The following DISC1 variants were observed in gnomAD, a reference collection of about 807,000 sequenced individuals.
DISC1 encodes the protein DISC1 scaffold protein.
Under a neutral mutation model 84.5 loss-of-function variants are expected in DISC1, and 57 were observed. The observed-to-expected ratio is 0.67, with a 90% CI of 0.55 to 0.84. The LOEUF is 0.84. Among genes scored for constraint, DISC1 ranks in the 40% least tolerant of loss-of-function variants. The probability of loss-of-function intolerance (pLI) is 0.00; values close to 1 mark genes in which losing one functional copy is unlikely to be tolerated. For synonymous variants in DISC1, 411 were observed against 415.2 expected (o/e 0.99, Z 0.12); for missense variants, 1,000 against 1,057.8 (o/e 0.95, Z 0.76).
chr1:231,762,195 TTTCTTTTCTTTTCTTTTCTC>T (rs1388393474), intron 4 of DISC1, among the ~76,000 whole-genome samples: 2 of 25,188 alleles, frequency 7.9e-5, no homozygotes, highest in Non-Finnish European at 2.5e-4. Flanking sequence ...TTTTCTTTCT[TTTCTTTTCTTTTCTTTTCTC>T]TTCTTTTCTT....
intron 9 of DISC1, among the ~76,000 whole-genome samples, chr1:231,830,733 G>T (rs1318819477): frequency 6.6e-6 from 1 of 152,230 alleles, no homozygotes; most frequent in Non-Finnish European, 1.5e-5. Context: ...CCATACAGGA[G>T]CTCAAATGGG....
intron 3 of DISC1, among the ~76,000 whole-genome samples, chr1:231,734,525 A>G (rs867635166): frequency 2.0e-4 from 31 of 152,226 alleles, no homozygotes; most frequent in African/African-American, 7.2e-4. Flanking sequence ...ACGCATGCGC[A>G]CACACACACA....
At chr1:231,912,849 T>C (rs556283737) in intron 9 of DISC1, among the ~76,000 whole-genome samples, 22 of 151,322 alleles carry the variant, frequency 1.5e-4, no homozygotes, top group Admixed American at 5.3e-4. Flanking sequence ...TTTTTCTTCT[T>C]CTCCTCCTCC....
At chr1:231,849,513 G>T (rs2083723762) in intron 9 of DISC1, among the ~76,000 whole-genome samples, 1 of 152,096 alleles carries the variant, frequency 6.6e-6, no homozygotes, top group Non-Finnish European at 1.5e-5. Context: ...CAATAGCAGG[G>T]CTCTGATGAT....
rs1268468240 is a variant in DISC1 at position 231,915,340 on chromosome 1, G to A, written c.1982-43488G>A. Among the ~76,000 whole-genome samples the A allele has an allele frequency of 5.3e-5, 8 of 152,146 alleles. No homozygotes were observed. In the East Asian group the frequency reaches 1.5e-3, roughly 29 times the overall value. On this transcript the variant is annotated intron_variant, in intron 9 of 12. Transcript: ENST00000439617. ...ACTCTAGGTGGCAGGATGAAAGCAG[G>A]GACAAAGCATAAGGGACATCTGAAT... is the stretch of plus-strand genomic sequence containing the variant.
At chr1:231,677,866 C>T (rs1014738560) in intron 1 of DISC1, among the ~76,000 whole-genome samples, 3 of 152,110 alleles carry the variant, frequency 2.0e-5, no homozygotes, top group Non-Finnish European at 2.9e-5. Context: ...GTAATCCCAG[C>T]TACTCAGGAG....
intron 6 of DISC1, among the ~76,000 whole-genome samples, chr1:231,784,147 C>T (rs1262289294): frequency 5.3e-5 from 8 of 151,876 alleles, no homozygotes; most frequent in Non-Finnish European, 1.2e-4. Context: ...CCTGTAATCC[C>T]AGCTACTCAG....
chr1:231,889,612 C>T (rs2087052940), intron 9 of DISC1, among the ~76,000 whole-genome samples: 1 of 152,162 alleles, frequency 6.6e-6, no homozygotes, highest in Non-Finnish European at 1.5e-5. Context: ...ACTGGAGACC[C>T]TGAGAGGTGA....
intron 3 of DISC1, among the ~76,000 whole-genome samples, chr1:231,733,414 GTGGTGGTGGTTGTAGGAA>G (rs1558445540): frequency 6.7e-6 from 1 of 149,896 alleles, no homozygotes; most frequent in East Asian, 2.0e-4. Context: ...GACTGTAGAA[GTGGTGGTGGTTGTAGGAA>G]TGGTGGTGAT....
chr1:231,848,275 A>G (rs751769345), intron 9 of DISC1, among the ~76,000 whole-genome samples: 2 of 152,198 alleles, frequency 1.3e-5, no homozygotes, highest in Non-Finnish European at 2.9e-5. Flanking sequence ...ACTGCATCCC[A>G]TGATGCAGGG....
intron 2 of DISC1, among the ~76,000 whole-genome samples, chr1:231,696,025 G>T (rs1371960652): frequency 6.6e-6 from 1 of 152,090 alleles, no homozygotes; most frequent in Admixed American, 6.5e-5. Flanking sequence ...AGTGCCCCTT[G>T]TCTTTCCCCG....
In DISC1 at chr1:231,694,258, G is replaced by T; in HGVS notation, c.500G>T (p.Gly167Val). ...DASWEAACSD[G>V]ARRVRAAGSL... Reference sequence around the variant, plus strand: ...AGCTGGGAGGCAGCCTGCAGCGATGGAGCAAGGCGTGTCCGGGCAGCAGGC... The same window carrying T: ...AGCTGGGAGGCAGCCTGCAGCGATGTAGCAAGGCGTGTCCGGGCAGCAGGC... The change falls in exon 2 of 13, where the codon GGA becomes GTA. Residue 167 changes from glycine (G) to valine (V), a missense_variant. Physicochemically the swap from Gly to Val is moderately radical, Grantham distance 109. This residue lies in a region of DISC1 where 292 missense variants were observed against 280.2 expected (regional missense o/e 1.04). Transcript: ENST00000439617. 1 of 1,614,248 alleles carries T rather than the reference G, an allele frequency of 6.2e-7. No homozygotes were observed. Among genetic ancestry groups the T allele is most frequent in the Non-Finnish European group, 8.5e-7 (1 of 1,180,052 alleles).
At chr1:231,962,093 C>T (rs1660467054) in intron 10 of DISC1, among the ~76,000 whole-genome samples, 2 of 152,142 alleles carry the variant, frequency 1.3e-5, no homozygotes, top group South Asian at 4.2e-4. Flanking sequence ...GAGATGGTAT[C>T]TCATTATGGT....
intron 9 of DISC1, among the ~76,000 whole-genome samples, chr1:231,833,988 C>G (rs1269006059): frequency 2.0e-5 from 3 of 152,036 alleles, no homozygotes; most frequent in African/African-American, 7.2e-5. Flanking sequence ...GGGTCCAGGG[C>G]TGTAAAGTGT....
intron 9 of DISC1, among the ~76,000 whole-genome samples, chr1:231,955,276 T>C (rs1659233323): frequency 6.6e-6 from 1 of 152,108 alleles, no homozygotes; most frequent in Admixed American, 6.5e-5. Context: ...ATGTCTCTGT[T>C]CCAGAACTTT....
At chr1:231,898,105 A>G (rs1377761326) in intron 9 of DISC1, among the ~76,000 whole-genome samples, 1 of 152,224 alleles carries the variant, frequency 6.6e-6, no homozygotes, top group Non-Finnish European at 1.5e-5. Flanking sequence ...GCAGTATCAC[A>G]TGTACACAGG....
At chr1:231,932,518 A>G (rs1031974834) in intron 9 of DISC1, among the ~76,000 whole-genome samples, 1 of 152,192 alleles carries the variant, frequency 6.6e-6, no homozygotes, top group Non-Finnish European at 1.5e-5. Context: ...GCTTTGGTTT[A>G]GTAACATGCC....
intron 3 of DISC1, among the ~76,000 whole-genome samples, chr1:231,726,426 A>G (rs540213756): frequency 1.9e-4 from 29 of 152,224 alleles, no homozygotes. Context: ...GTGCTGCCCA[A>G]GGTCACCTGG....
At chr1:231,966,265 C>T (rs908585229) in intron 10 of DISC1, among the ~76,000 whole-genome samples, 12 of 152,136 alleles carry the variant, frequency 7.9e-5, no homozygotes, top group Non-Finnish European at 1.3e-4. Flanking sequence ...TAGAAAAAAA[C>T]GACTCTTAAA....
Sources: allele counts gnomAD v4.1 joint callset (sites outside exome capture counted in the v4.1 genomes callset), GRCh38; gene constraint gnomAD v4.1.1; regional missense constraint gnomAD v4.1.1; transcripts MANE v1.5; gene names NCBI Gene and HGNC (gene_info 2026-07-23, HGNC 2026-07-21).